The following TRDN variants were observed in gnomAD, a reference collection of about 807,000 sequenced individuals.
TRDN encodes triadin, also known as triadin in skeletal muscle.
TRDN carries 161 observed loss-of-function variants against 149.7 expected under a neutral mutation model. The observed-to-expected ratio is 1.08, with a 90% CI of 0.95 to 1.23. The LOEUF (loss-of-function observed/expected upper bound fraction) is 1.23. Ranked by LOEUF, TRDN falls within the 50% of genes most tolerant of loss-of-function variation. TRDN has a pLI of 0.00. For missense variants in TRDN, 896 were observed against 823.5 expected, an observed-to-expected ratio of 1.09 and a Z score of -1.08; for synonymous variants, 294 against 250.5, an observed-to-expected ratio of 1.17 and a Z score of -1.64.
At chr6:123,482,928 G>A (rs1777809097) in intron 9 of TRDN, among the ~76,000 whole-genome samples, 1 of 151,950 alleles carries the variant, frequency 6.6e-6, no homozygotes, top group Non-Finnish European at 1.5e-5. Flanking sequence ...TTGTAAGACA[G>A]AATATCAATA....
chr6:123,366,219 A>T (rs1781095189), intron 19 of TRDN, 37 bp from the exon 20 acceptor site: 1 of 1,579,996 alleles, frequency 6.3e-7, no homozygotes, highest in Non-Finnish European at 8.7e-7. Flanking sequence ...AGAAGTGGAT[A>T]TTAGTGATGC....
At chr6:123,349,676 G>C (rs527614062) in intron 21 of TRDN, 1 of 963,958 alleles carries the variant, frequency 1.0e-6, no homozygotes. Flanking sequence ...CAAGAAATAT[G>C]AACATTCATT....
chr6:123,332,534 T>C (rs942768594), intron 22 of TRDN, among the ~76,000 whole-genome samples: 2 of 152,036 alleles, frequency 1.3e-5, no homozygotes, highest in Non-Finnish European at 2.9e-5. Context: ...TCCAAACACA[T>C]CTTCAGTGTA....
chr6:123,407,020 C>T (rs1773222606), intron 12 of TRDN, among the ~76,000 whole-genome samples: 1 of 151,460 alleles, frequency 6.6e-6, no homozygotes, highest in Admixed American at 6.6e-5. Context: ...TGAGAGGGCC[C>T]AAGCTTAGGT....
chr6:123,343,141 AT>A (rs1393796687), intron 21 of TRDN, among the ~76,000 whole-genome samples: 1 of 152,056 alleles, frequency 6.6e-6, no homozygotes, highest in East Asian at 1.9e-4. Context: ...AAAATTACGT[AT>A]ATTTAAATCC....
At chr6:123,475,104 T>G (rs991625873) in intron 9 of TRDN, among the ~76,000 whole-genome samples, 14 of 149,518 alleles carry the variant, frequency 9.4e-5, no homozygotes, top group Non-Finnish European at 9.0e-5. Context: ...CTTCAAAAAA[T>G]TAATGAATCC....
intron 5 of TRDN, among the ~76,000 whole-genome samples, chr6:123,517,986 T>C (rs1356051396): frequency 6.6e-6 from 1 of 152,166 alleles, no homozygotes; most frequent in Non-Finnish European, 1.5e-5. Context: ...CTCAGTCACA[T>C]AGTGGACTCT....
At chr6:123,625,016 A>C (rs1000734341) in intron 1 of TRDN, among the ~76,000 whole-genome samples, 4 of 151,628 alleles carry the variant, frequency 2.6e-5, no homozygotes, top group African/African-American at 9.7e-5. Flanking sequence ...TATCCCAGTC[A>C]TCCCAGGGCT....
intron 1 of TRDN, among the ~76,000 whole-genome samples, chr6:123,589,834 C>A (rs1452844490): frequency 6.6e-6 from 1 of 152,194 alleles, no homozygotes; most frequent in Middle Eastern, 3.4e-3. Context: ...CCTCATATTG[C>A]CAATAGCTAC....
At chr6:123,285,258 T>C (rs1309399207) in intron 24 of TRDN, among the ~76,000 whole-genome samples, 1 of 151,596 alleles carries the variant, frequency 6.6e-6, no homozygotes, top group African/African-American at 2.4e-5. Flanking sequence ...AAAGAACAAA[T>C]CTGGAGGCAT....
At chr6:123,249,687 A>T (rs1171207284) in intron 38 of TRDN, among the ~76,000 whole-genome samples, 1 of 152,302 alleles carries the variant, frequency 6.6e-6, no homozygotes, top group African/African-American at 2.4e-5. Flanking sequence ...ACAGAAAATC[A>T]AATTTATCAT....
chr6:123,451,519 A>G lies in TRDN; in HGVS notation c.932-12516T>C, dbSNP rs918008299. Among the ~76,000 whole-genome samples, 23 of 152,164 alleles carry G rather than the reference A, an allele frequency of 1.5e-4. 1 individual carries two copies. The highest frequency in any genetic ancestry group is 4.8e-4 in the African/African-American group (20 of 41,552). ...ACCTAGAAGAGATGGATAAATTCCT[A>G]GAAAAATACATCCCTCCTAGTTTAA... On this transcript the variant is annotated intron_variant, in intron 10 of 40. Transcript: ENST00000334268.
chr6:123,615,048 A>T (rs1785013857), intron 1 of TRDN, among the ~76,000 whole-genome samples: 1 of 152,226 alleles, frequency 6.6e-6, no homozygotes, highest in South Asian at 2.1e-4. Flanking sequence ...GGTGTATGAA[A>T]AAAATACTCA....
intron 1 of TRDN, among the ~76,000 whole-genome samples, chr6:123,623,360 TC>T (rs1785492490): frequency 6.6e-6 from 1 of 152,102 alleles, no homozygotes; most frequent in South Asian, 2.1e-4. Flanking sequence ...CAATCCCATC[TC>T]CTTTGAAGCT....
intron 12 of TRDN, among the ~76,000 whole-genome samples, chr6:123,422,737 A>G (rs1212189085): frequency 6.6e-6 from 1 of 152,144 alleles, no homozygotes; most frequent in African/African-American, 2.4e-5. Context: ...AAATGGGGCA[A>G]GTTTATGTAA....
chr6:123,245,595 GT>G (rs1776144326), intron 38 of TRDN, among the ~76,000 whole-genome samples: 1 of 152,116 alleles, frequency 6.6e-6, no homozygotes, highest in Non-Finnish European at 1.5e-5. Context: ...GATAAAGCAA[GT>G]TCTTAGAAAC....
At chr6:123,339,624 G>T (rs563809987) in intron 21 of TRDN, among the ~76,000 whole-genome samples, 151 of 152,166 alleles carry the variant, frequency 9.9e-4, no homozygotes, top group African/African-American at 3.5e-3. Flanking sequence ...TTTTTTCAAA[G>T]GCCTCAAATT....
chr6:123,277,352 A>G (rs1777404433), intron 26 of TRDN, among the ~76,000 whole-genome samples: 1 of 152,152 alleles, frequency 6.6e-6, no homozygotes, highest in East Asian at 1.9e-4. Context: ...TATGGAGGAC[A>G]TAAATTTTGG....
At chr6:123,349,476 A>G in intron 21 of TRDN, 1 of 876,780 alleles carries the variant, frequency 1.1e-6, no homozygotes, top group Non-Finnish European at 1.4e-6. Context: ...ACAGGAATCT[A>G]TAATATTATC....
Sources: allele counts gnomAD v4.1 joint callset (sites outside exome capture counted in the v4.1 genomes callset), GRCh38; gene constraint gnomAD v4.1.1; transcripts MANE v1.5; gene names NCBI Gene and HGNC (gene_info 2026-07-23, HGNC 2026-07-21).